The following CREBBP variants were observed in gnomAD, a reference collection of about 807,000 sequenced individuals.
CREBBP encodes CREB binding lysine acetyltransferase, also known as CREB-binding protein.
CREBBP carries 19 observed loss-of-function variants against 265.0 expected under a neutral mutation model. That is an observed-to-expected ratio of 0.07 (90% CI 0.05 to 0.11). The LOEUF (loss-of-function observed/expected upper bound fraction) is 0.11. Ranked by LOEUF, CREBBP falls within the 10% of genes least tolerant of loss-of-function variation. CREBBP has a pLI of 1.00. For synonymous variants in CREBBP, 1,457 were observed against 1,223.7 expected (o/e 1.19, Z -3.98); for missense variants, 2,525 against 3,219.0 (o/e 0.78, Z 5.22).
At position 3,781,312 on chromosome 16, in the gene CREBBP, AAG is replaced by A; in HGVS notation, c.1574-8_1574-7del. The A allele has an allele frequency of 6.2e-7, 1 of 1,609,332 alleles. No homozygotes were observed. The highest frequency in any genetic ancestry group is 1.1e-5 in the South Asian group (1 of 90,820). ...AATGTTCATTGGATTATTTCCTTTA[AAG>A]ACAGAAAAGAAATCAATCAACAGTT... On this transcript the variant is annotated splice_polypyrimidine_tract_variant and splice_region_variant and intron_variant, in intron 6 of 30. Coordinates refer to ENST00000262367, the MANE Select transcript of CREBBP (RefSeq NM_004380.3).
intron 2 of CREBBP, among the ~76,000 whole-genome samples, chr16:3,834,945 T>C (rs935044101): frequency 3.9e-5 from 6 of 151,952 alleles, no homozygotes. Flanking sequence ...GATCACGAGG[T>C]CACGAGATCG....
chr16:3,736,462 C>G, intron 27 of CREBBP, 188 bp downstream of exon 27: 2 of 882,492 alleles, frequency 2.3e-6, no homozygotes, highest in South Asian at 1.5e-5. Flanking sequence ...TGCTCTCAGA[C>G]GGCCAGGGGA....
In CREBBP at chr16:3,797,568, T is replaced by C. The variant is rs77034437; in HGVS notation, c.976-3942A>G. ...AATGAAATAGAACCATTACTAACAA[T>C]ACACTGTAATAAAAGCTACATGAAT... On this transcript the variant is annotated intron_variant, in intron 3 of 30. Coordinates refer to ENST00000262367, the MANE Select transcript of CREBBP (RefSeq NM_004380.3). 7.9e-5 allele frequency among the ~76,000 whole-genome samples: 12 copies of C among 152,248 alleles called. No homozygotes were observed. In the East Asian group the frequency reaches 2.1e-3, roughly 27 times the overall value.
In CREBBP at chr16:3,793,434, T is replaced by A. The variant is rs2141285295; in HGVS notation, c.1168A>T (p.Asn390Tyr). The change falls in exon 4 of 31, where the codon AAC becomes TAC. Residue 390 changes from asparagine (N) to tyrosine (Y), a missense_variant. Asn to Tyr is a moderately radical substitution (Grantham distance 143). This residue lies in a region of CREBBP where 126 missense variants were observed against 171.9 expected (regional missense o/e 0.73). Transcript: ENST00000262367. ...CSLPHCRTMK[N>Y]VLNHMTHCQA... Reference sequence around the variant, plus strand: ...CAATGCGTCATGTGATTCAAAACGTTTTTCATGGTTCGACAATGCGGGAGC... The same window carrying A: ...CAATGCGTCATGTGATTCAAAACGTATTTCATGGTTCGACAATGCGGGAGC... The A allele has an allele frequency of 5.0e-6, 8 of 1,614,106 alleles. No individual in the cohort carries two copies. Among genetic ancestry groups the A allele is most frequent in the Non-Finnish European group, 6.8e-6 (8 of 1,180,020 alleles).
intron 5 of CREBBP, among the ~76,000 whole-genome samples, chr16:3,783,455 A>G (rs921223564): frequency 6.6e-6 from 1 of 152,252 alleles, no homozygotes; most frequent in African/African-American, 2.4e-5. Context: ...GTGCTCTTCC[A>G]AATCACATAA....
At chr16:3,797,335 C>T (rs933373539) in intron 3 of CREBBP, among the ~76,000 whole-genome samples, 6 of 152,122 alleles carry the variant, frequency 3.9e-5, no homozygotes, top group Admixed American at 2.0e-4. Context: ...AATTTCTTTA[C>T]TTAAGTCCAG....
chr16:3,861,570 A>C (rs2055073331), intron 1 of CREBBP, among the ~76,000 whole-genome samples: 2 of 150,886 alleles, frequency 1.3e-5, no homozygotes, highest in African/African-American at 4.9e-5. Flanking sequence ...ATCTGTGGCA[A>C]TTCTAGTAGA....
chr16:3,800,749 T>G (rs560646263), intron 3 of CREBBP, among the ~76,000 whole-genome samples: 28 of 151,718 alleles, frequency 1.8e-4, no homozygotes, highest in Non-Finnish European at 4.0e-4. Flanking sequence ...ATCAAAAACA[T>G]TGAGAAAAGA....
intron 11 of CREBBP, among the ~76,000 whole-genome samples, chr16:3,776,132 G>A (rs981185702): frequency 6.6e-6 from 1 of 152,010 alleles, no homozygotes; most frequent in Non-Finnish European, 1.5e-5. Flanking sequence ...TGGCTAGGCT[G>A]GTCTCAAACT....
Position 3,728,173 on chromosome 16 carries a change from G to T in CREBBP, c.6874C>A (p.Gln2292Lys). 6.2e-7 allele frequency: 1 copy of T among 1,614,128 alleles called. No individual in the cohort carries two copies. Residue 2292 changes from glutamine to lysine, a missense_variant, in exon 31 of 31, where the codon CAG becomes AAG. Transcript: ENST00000262367. The surrounding 1 kb of genome is among the most constrained non-coding windows in gnomAD (Gnocchi z 8.7). Reference sequence around the variant, plus strand: ...TGCTGTTGCTGCAGAATCCGCTGCTGCAGGGCTTGCTGGATGTTGGGGGTG... The same window carrying T: ...TGCTGTTGCTGCAGAATCCGCTGCTTCAGGGCTTGCTGGATGTTGGGGGTG... ...DSTPNIQQAL[Q>K]QRILQQQQMK...
chr16:3,864,777 A>C (rs2055143660), intron 1 of CREBBP, among the ~76,000 whole-genome samples: 1 of 152,240 alleles, frequency 6.6e-6, no homozygotes, highest in African/African-American at 2.4e-5. Context: ...CTGATAAAGA[A>C]TATCCGTGGC....
intron 1 of CREBBP, among the ~76,000 whole-genome samples, chr16:3,865,351 T>C (rs2055156394): frequency 6.6e-6 from 1 of 152,190 alleles, no homozygotes. Context: ...TTAAAGCAAT[T>C]ATGGCACAGG....
intron 2 of CREBBP, among the ~76,000 whole-genome samples, chr16:3,819,952 T>C (rs2054110297): frequency 6.6e-6 from 1 of 152,198 alleles, no homozygotes; most frequent in South Asian, 2.1e-4. Flanking sequence ...CAGCCTAACC[T>C]GACATATTTT....
rs369741936 is a variant in CREBBP, at chr16:3,746,693, T to C, written c.3837-1339A>G. 1.8e-4 allele frequency among the ~76,000 whole-genome samples: 28 copies of C among 152,254 alleles called. No individual in the cohort carries two copies. In the East Asian group the frequency reaches 5.2e-3, roughly 28 times the overall value. On this transcript the variant is annotated intron_variant, in intron 21 of 30. Coordinates refer to ENST00000262367, the MANE Select transcript of CREBBP (RefSeq NM_004380.3). Reference sequence around the variant, plus strand: ...CAGGTGCAGTGGCTCACACCTGTAATCCTAGCATGTGGAGAGGCTGGGGTG... The same window carrying C: ...CAGGTGCAGTGGCTCACACCTGTAACCCTAGCATGTGGAGAGGCTGGGGTG...
chr16:3,776,814 CA>C (rs2053150153), intron 11 of CREBBP, among the ~76,000 whole-genome samples: 1 of 151,032 alleles, frequency 6.6e-6, no homozygotes, highest in Admixed American at 6.6e-5. Flanking sequence ...CGATTGAGAC[CA>C]TCCTGGCTAA....
At chr16:3,769,636 A>G (rs2052949963) in intron 14 of CREBBP, among the ~76,000 whole-genome samples, 1 of 152,216 alleles carries the variant, frequency 6.6e-6, no homozygotes. Flanking sequence ...TTCTAGCTAA[A>G]TCATGAAATC....
chr16:3,761,516 A>G (rs1386019419), intron 16 of CREBBP: 1 of 518,394 alleles, frequency 1.9e-6, no homozygotes, highest in Non-Finnish European at 3.9e-6. Flanking sequence ...AGATGAAAAC[A>G]GGCGCACCAA....
chr16:3,781,144 G>C lies in CREBBP; in HGVS notation c.1676+60C>G, dbSNP rs1258179848. On this transcript the variant is annotated intron_variant, in intron 7 of 30. Coordinates refer to ENST00000262367, the MANE Select transcript of CREBBP (RefSeq NM_004380.3). ...CACACATTTAGAAAGAATCAGTTTT[G>C]TGTGGTTCTCAGTCCATGCTCCTGT... The C allele has an allele frequency of 9.0e-6, 13 of 1,444,338 alleles. No individual in the cohort carries two copies. The East Asian group carries it at 2.5e-4, about 28-fold the overall frequency. 89.5% of individuals were successfully genotyped at this position (1,444,338 alleles called of 1,614,324 possible).
Position 3,736,632 on chromosome 16 carries a change from T to C in CREBBP, c.4560+18A>G, listed in dbSNP as rs774169697. 1 of 1,614,198 alleles carries C rather than the reference T, an allele frequency of 6.2e-7. No homozygotes were observed. The highest frequency in any genetic ancestry group is 8.5e-7 in the Non-Finnish European group (1 of 1,180,036). On this transcript the variant is annotated intron_variant, in intron 27 of 30. Coordinates refer to ENST00000262367, the MANE Select transcript of CREBBP (RefSeq NM_004380.3). ...TCAGTTGTGACAAAAGCCACCACCT[T>C]CCTTCAGCGCCGGGTACCTTGTAGT...
Sources: allele counts gnomAD v4.1 joint callset (sites outside exome capture counted in the v4.1 genomes callset), GRCh38; gene constraint gnomAD v4.1.1; regional missense constraint gnomAD v4.1.1; non-coding constraint Gnocchi (gnomAD v3.1); transcripts MANE v1.5; gene names NCBI Gene and HGNC (gene_info 2026-07-23, HGNC 2026-07-21).